The following PDE12 variants were observed in gnomAD, a reference collection of about 807,000 sequenced individuals.
PDE12 encodes phosphodiesterase 12.
A neutral mutation model predicts 45.4 loss-of-function variants in PDE12; 26 were observed. The observed-to-expected ratio is 0.57, with a 90% CI of 0.42 to 0.79. The LOEUF is 0.79. PDE12 is among the 30% of genes least tolerant of loss of function. The pLI is 0.00. For synonymous variants in PDE12, 283 were observed against 323.9 expected (o/e 0.87, Z 1.36); for missense variants, 668 against 790.0 (o/e 0.85, Z 1.85).
chr3:57,628,539 T>C, the PDE12 span, among the ~76,000 whole-genome samples: 28 of 152,214 alleles, frequency 1.8e-4, no homozygotes, highest in African/African-American at 6.5e-4. Flanking sequence ...AAGGCTTCTA[T>C]GTAAATTCAT....
chr3:57,646,861 C>T, the PDE12 span, among the ~76,000 whole-genome samples: 2 of 152,266 alleles, frequency 1.3e-5, 1 homozygote, highest in South Asian at 4.1e-4. Context: ...AAACCCAATA[C>T]TTCTGACATT....
chr3:57,655,313 G>A, the PDE12 span, among the ~76,000 whole-genome samples: 4 of 152,150 alleles, frequency 2.6e-5, no homozygotes, highest in Non-Finnish European at 4.4e-5. Flanking sequence ...GATTACAGGC[G>A]TGAGCCACTG....
At chr3:57,584,101 ACTT>A in the PDE12 span, 3 of 866,918 alleles carry the variant, frequency 3.5e-6, no homozygotes, top group East Asian at 5.3e-5. Flanking sequence ...TTTTTAAAGT[ACTT>A]CTTTTTATTT....
chr3:57,640,423 T>C, the PDE12 span, among the ~76,000 whole-genome samples: 1 of 151,602 alleles, frequency 6.6e-6, no homozygotes. Flanking sequence ...CAAAACCCCG[T>C]CTCTATTAAA....
At chr3:57,621,902 T>G in the PDE12 span, among the ~76,000 whole-genome samples, 1 of 150,866 alleles carries the variant, frequency 6.6e-6, no homozygotes, top group Non-Finnish European at 1.5e-5. Flanking sequence ...CTGGCTGGGC[T>G]CAGTGGCTCA....
chr3:57,627,481 T>A, the PDE12 span: 1 of 151,892 alleles, frequency 6.6e-6, no homozygotes, highest in Non-Finnish European at 1.5e-5. Context: ...GAAAATAAAC[T>A]CTTCCATCAT....
chr3:57,641,996 A>G, the PDE12 span, among the ~76,000 whole-genome samples: 1 of 152,178 alleles, frequency 6.6e-6, no homozygotes, highest in African/African-American at 2.4e-5. Context: ...TGCCAAAATT[A>G]GAAGACAGTG....
At position 57,562,480 on chromosome 3, in the gene PDE12, C is replaced by CT. The variant is rs2069738125; in HGVS notation, c.*2479dup. Reference sequence around the variant, plus strand: ...AAATGTATAAATAGCATACACATTTCTTTGTACTCATGAGTTAGAATGCAG... The same window carrying CT: ...AAATGTATAAATAGCATACACATTTCTTTTGTACTCATGAGTTAGAATGCAG... On this transcript the variant is annotated 3_prime_UTR_variant, in exon 3 of 3. Transcript: ENST00000311180. The CT allele has an allele frequency of 6.6e-6, 1 of 152,152 alleles. No individual in the cohort carries two copies. Among genetic ancestry groups the CT allele is most frequent in the Admixed American group, 6.6e-5 (1 of 15,260 alleles). 9.4% of individuals were successfully genotyped at this position (152,152 alleles called of 1,614,324 possible). A position where few individuals can be genotyped will look rare whatever the true frequency, so the allele number is the denominator to read the frequency against.
chr3:57,604,609 T>A, the PDE12 span, among the ~76,000 whole-genome samples: 2 of 41,534 alleles, frequency 4.8e-5, no homozygotes, highest in Non-Finnish European at 1.3e-4. Context: ...TTCTTTTTTT[T>A]TTTTTTTTGG....
In PDE12 at chr3:57,556,939, T is replaced by C; in HGVS notation, c.560T>C (p.Phe187Ser). 1 of 1,614,168 alleles carries C rather than the reference T, an allele frequency of 6.2e-7. No individual in the cohort carries two copies. Among genetic ancestry groups the C allele is most frequent in the Non-Finnish European group, 8.5e-7 (1 of 1,180,030 alleles). The change falls in exon 1 of 3, where the codon TTT becomes TCT. Residue 187 changes from phenylalanine (F) to serine (S), a missense_variant. Coordinates refer to ENST00000311180, the MANE Select transcript of PDE12 (RefSeq NM_177966.7). The surrounding 1 kb of genome is among the most constrained non-coding windows in gnomAD (Gnocchi z 5.0). ...FPVCPKLSLEFGDPASSLFRW... is the reference protein window; with the variant it reads ...FPVCPKLSLESGDPASSLFRW... ...GTGTGCCCCAAACTCAGCCTCGAAT[T>C]TGGGGATCCCGCCAGCTCCCTTTTC... is the stretch of plus-strand genomic sequence containing the variant.
chr3:57,624,324 G>T, the PDE12 span, among the ~76,000 whole-genome samples: 1 of 151,772 alleles, frequency 6.6e-6, no homozygotes. Context: ...CTAATTTTTT[G>T]TATTTTTAGT....
Position 57,560,262 on chromosome 3 carries a change from C to T in PDE12, c.*258C>T. On this transcript the variant is annotated 3_prime_UTR_variant, in exon 3 of 3. Coordinates refer to ENST00000311180, the MANE Select transcript of PDE12 (RefSeq NM_177966.7). ...AAATAGAAAATTGAATTATTTTTCT[C>T]CAAATTGAGACTCTCAGAAAAGGAA... The T allele has an allele frequency of 1.6e-6, 2 of 1,221,928 alleles. No individual in the cohort carries two copies. The highest frequency in any genetic ancestry group is 1.0e-6 in the Non-Finnish European group (1 of 979,702). 75.7% of individuals were successfully genotyped at this position (1,221,928 alleles called of 1,614,324 possible).
Position 57,559,368 on chromosome 3 carries a change from A to G in PDE12, c.1367A>G (p.His456Arg). 4 of 1,611,928 alleles carry G rather than the reference A, an allele frequency of 2.5e-6. No individual in the cohort carries two copies. The highest frequency in any genetic ancestry group is 3.4e-6 in the Non-Finnish European group (4 of 1,177,998). ...AAAAGGATATGTGTTGCTAATACCCATCTTTACTGGCATCCTAAAGGTAGG... is the reference window on the plus strand; with the variant it reads ...AAAAGGATATGTGTTGCTAATACCCGTCTTTACTGGCATCCTAAAGGTAGG... ...SSKRICVANT[H>R]LYWHPKGGYI... Residue 456 changes from histidine to arginine, a missense_variant, in exon 2 of 3, where the codon CAT (histidine) becomes CGT (arginine). Physicochemically the swap from His to Arg is conservative, Grantham distance 29 (BLOSUM62 0). Transcript: ENST00000311180.
the PDE12 span, among the ~76,000 whole-genome samples, chr3:57,631,868 G>A: frequency 6.6e-6 from 1 of 150,426 alleles, no homozygotes; most frequent in Non-Finnish European, 1.5e-5. Flanking sequence ...GATTACAGGC[G>A]CCCACCACCA....
chr3:57,645,632 C>A, the PDE12 span: 1 of 1,531,736 alleles, frequency 6.5e-7, no homozygotes, highest in South Asian at 1.1e-5. Flanking sequence ...AAAGGTAATA[C>A]CTGGTCAATA....
chr3:57,631,720 T>C, the PDE12 span, among the ~76,000 whole-genome samples: 22 of 140,160 alleles, frequency 1.6e-4, no homozygotes, highest in Non-Finnish European at 2.8e-4. Context: ...TGCTCTCTTT[T>C]TTTTTTTTTT....
chr3:57,633,504 C>A, the PDE12 span: 1 of 683,970 alleles, frequency 1.5e-6, no homozygotes, highest in Non-Finnish European at 2.5e-6. Flanking sequence ...ATGTGAAGTT[C>A]ATTGTGCAAT....
At position 57,562,831 on chromosome 3, in the gene PDE12, T is replaced by C. The variant is rs2069740961; in HGVS notation, c.*2827T>C. 1 of 152,226 alleles carries C rather than the reference T, an allele frequency of 6.6e-6. No individual in the cohort carries two copies. Among genetic ancestry groups the C allele is most frequent in the South Asian group, 2.1e-4 (1 of 4,830 alleles). 9.4% of individuals were successfully genotyped at this position (152,226 alleles called of 1,614,324 possible). On this transcript the variant is annotated 3_prime_UTR_variant, in exon 3 of 3. Transcript: ENST00000311180. ...GTAATGTATGTTCTTTTTGAAATTCTGTATGCTAAAATCAGTTGTTTCAAA... is the reference window on the plus strand; with the variant it reads ...GTAATGTATGTTCTTTTTGAAATTCCGTATGCTAAAATCAGTTGTTTCAAA...
At chr3:57,621,398 G>A in the PDE12 span, among the ~76,000 whole-genome samples, 1 of 152,222 alleles carries the variant, frequency 6.6e-6, no homozygotes, top group African/African-American at 2.4e-5. Context: ...GGCTGAGCGC[G>A]TTGGCTAACG....
Sources: allele counts gnomAD v4.1 joint callset (sites outside exome capture counted in the v4.1 genomes callset), GRCh38; gene constraint gnomAD v4.1.1; non-coding constraint Gnocchi (gnomAD v3.1); transcripts MANE v1.5; gene names NCBI Gene and HGNC (gene_info 2026-07-23, HGNC 2026-07-21).